Variants in ADAMTSL3 observed in about 807,000 individuals in gnomAD.
ADAMTSL3 encodes ADAMTS like 3, also known as ADAMTS-like protein 3.
ADAMTSL3 carries 128 observed loss-of-function variants against 201.7 expected under a neutral mutation model. The ratio of observed to expected loss-of-function variants is 0.63; its 90% CI spans 0.55 to 0.73. The LOEUF is 0.73. ADAMTSL3 is among the 30% of genes least tolerant of loss of function. The pLI, the probability that ADAMTSL3 is intolerant of heterozygous loss-of-function variation, is 0.00. For synonymous variants in ADAMTSL3, 738 were observed against 748.4 expected, an observed-to-expected ratio of 0.99 and a Z score of 0.23; for missense variants, 1,990 against 2,119.6, an observed-to-expected ratio of 0.94 and a Z score of 1.20.
At chr15:83,827,361 GTT>G (rs1276291475) in intron 6 of ADAMTSL3, among the ~76,000 whole-genome samples, 2 of 152,068 alleles carry the variant, frequency 1.3e-5, no homozygotes, top group African/African-American at 4.8e-5. Context: ...TGGGTTGTTT[GTT>G]TTTTTCTTGT....
rs373003356 is a variant in ADAMTSL3 at position 83,858,399 on chromosome 15, G to C, written c.728-367G>C. 6.6e-5 allele frequency among the ~76,000 whole-genome samples: 10 copies of C among 152,278 alleles called. No individual in the cohort carries two copies. In the East Asian group the frequency reaches 1.5e-3, roughly 23 times the overall value. On this transcript the variant is annotated intron_variant, in intron 7 of 29. Coordinates refer to ENST00000286744, the MANE Select transcript of ADAMTSL3 (RefSeq NM_207517.3). ...TTATTTATTTTTTTCTTGAGATAGA[G>C]TCTTACTCTGTTGCCCAGGCTGGAG...
chr15:83,917,232 A>G (rs1024098470), intron 16 of ADAMTSL3, among the ~76,000 whole-genome samples: 1 of 152,270 alleles, frequency 6.6e-6, no homozygotes. Flanking sequence ...GATATTCTGT[A>G]TACTTATATT....
chr15:83,734,359 A>G (rs1304719297), intron 3 of ADAMTSL3, among the ~76,000 whole-genome samples: 2 of 152,186 alleles, frequency 1.3e-5, no homozygotes, highest in Non-Finnish European at 2.9e-5. Context: ...AGTTAATGAC[A>G]CTGGCAAGAA....
chr15:83,725,864 T>G (rs879853150), intron 3 of ADAMTSL3, among the ~76,000 whole-genome samples: 4 of 152,262 alleles, frequency 2.6e-5, no homozygotes, highest in Non-Finnish European at 4.4e-5. Flanking sequence ...CAGGATAGCT[T>G]TGGCTATTCT....
intron 19 of ADAMTSL3, among the ~76,000 whole-genome samples, chr15:83,967,070 A>G (rs1490423035): frequency 3.3e-5 from 5 of 151,712 alleles, no homozygotes; most frequent in Non-Finnish European, 7.4e-5. Context: ...CCCACAGCCA[A>G]TATACTGAAT....
At chr15:83,810,153 C>G (rs908600574) in intron 5 of ADAMTSL3, among the ~76,000 whole-genome samples, 1 of 152,160 alleles carries the variant, frequency 6.6e-6, no homozygotes, top group East Asian at 1.9e-4. Context: ...TATCACTTAG[C>G]CAGAAGTAAC....
chr15:83,744,912 A>G (rs2062519688), intron 3 of ADAMTSL3, among the ~76,000 whole-genome samples: 1 of 152,224 alleles, frequency 6.6e-6, no homozygotes, highest in African/African-American at 2.4e-5. Flanking sequence ...AACTCTGGGC[A>G]TAAGAGGGCG....
chr15:83,920,183 C>A (rs1006897393), intron 16 of ADAMTSL3, among the ~76,000 whole-genome samples: 1 of 152,164 alleles, frequency 6.6e-6, no homozygotes, highest in Non-Finnish European at 1.5e-5. Context: ...ATTGCATTGG[C>A]CCACTATGGG....
chr15:83,943,682 G>A (rs564670636), intron 19 of ADAMTSL3, among the ~76,000 whole-genome samples: 1 of 152,334 alleles, frequency 6.6e-6, no homozygotes, highest in Admixed American at 6.5e-5. Flanking sequence ...AGCTGGAAAA[G>A]TAGCAGAATC....
intron 13 of ADAMTSL3, among the ~76,000 whole-genome samples, chr15:83,895,956 C>T (rs1049725089): frequency 6.6e-6 from 1 of 152,128 alleles, no homozygotes; most frequent in African/African-American, 2.4e-5. Context: ...AGAAAGGCCT[C>T]CATATCCTCG....
chr15:83,847,610 C>T (rs1385180057), intron 7 of ADAMTSL3, among the ~76,000 whole-genome samples: 1 of 151,932 alleles, frequency 6.6e-6, no homozygotes, highest in Non-Finnish European at 1.5e-5. Flanking sequence ...ATTCTCCTGC[C>T]TCAGCCTCCT....
At chr15:83,804,410 GTAC>G (rs1156398944) in intron 4 of ADAMTSL3, among the ~76,000 whole-genome samples, 1 of 152,098 alleles carries the variant, frequency 6.6e-6, no homozygotes, top group Admixed American at 6.6e-5. Context: ...TTGCATGTGA[GTAC>G]TACTATTAAC....
intron 4 of ADAMTSL3, among the ~76,000 whole-genome samples, chr15:83,800,733 C>T (rs1006670525): frequency 6.6e-6 from 1 of 152,040 alleles, no homozygotes; most frequent in Non-Finnish European, 1.5e-5. Context: ...TGCTTGTTCC[C>T]TTGAAATTAG....
chr15:83,825,666 G>A (rs563867152), intron 6 of ADAMTSL3, among the ~76,000 whole-genome samples: 100 of 152,088 alleles, frequency 6.6e-4, no homozygotes, highest in African/African-American at 2.3e-3. Flanking sequence ...TGGCCTCAAG[G>A]AGCGCTCTCT....
chr15:83,993,375 T>C (rs2141840335), intron 23 of ADAMTSL3, among the ~76,000 whole-genome samples: 1 of 152,352 alleles, frequency 6.6e-6, no homozygotes, highest in Middle Eastern at 3.4e-3. Context: ...GATGAGTACA[T>C]TAAAACATAA....
chr15:83,899,797 TGTACTCATTG>T (rs1281240684), intron 15 of ADAMTSL3, 66 bp downstream of exon 15: 2 of 1,558,290 alleles, frequency 1.3e-6, no homozygotes, highest in Non-Finnish European at 1.7e-6. Context: ...ATGTAATTTT[TGTACTCATTG>T]GAGTACAGTG....
chr15:84,017,920 A>G (rs992329002), intron 25 of ADAMTSL3, among the ~76,000 whole-genome samples: 5 of 152,190 alleles, frequency 3.3e-5, no homozygotes, highest in Non-Finnish European at 5.9e-5. Flanking sequence ...CCAAAGTACA[A>G]TGGTAGCACT....
intron 10 of ADAMTSL3, among the ~76,000 whole-genome samples, chr15:83,885,608 T>C (rs2065372690): frequency 6.6e-6 from 1 of 152,134 alleles, no homozygotes; most frequent in Non-Finnish European, 1.5e-5. Context: ...AATGGGTGTG[T>C]TGGTTCTAAC....
chr15:83,659,639 C>G (rs941875435), intron 2 of ADAMTSL3, among the ~76,000 whole-genome samples: 1 of 152,150 alleles, frequency 6.6e-6, no homozygotes, highest in Admixed American at 6.5e-5. Context: ...ATGTCCATGT[C>G]CTAATCCCTG....
Sources: gnomAD v4.1 joint callset for allele counts (sites outside exome capture counted in the v4.1 genomes callset) on GRCh38, gnomAD v4.1.1 for gene constraint, MANE v1.5 for transcripts, NCBI Gene and HGNC (gene_info 2026-07-23, HGNC 2026-07-21) for gene names.